WTIP: variants seen among roughly 807,000 people sequenced by gnomAD.
WTIP encodes the protein Wilms tumor protein 1-interacting protein.
In WTIP, 23 loss-of-function variants were observed where a neutral mutation model predicts 41.7. The ratio of observed to expected loss-of-function variants is 0.55; its 90% CI spans 0.40 to 0.78. The LOEUF (loss-of-function observed/expected upper bound fraction) is 0.78. WTIP is among the 30% of genes least tolerant of loss of function. The probability of loss-of-function intolerance (pLI) is 0.00; values close to 1 mark genes in which losing one functional copy is unlikely to be tolerated. For missense variants in WTIP, 619 were observed against 610.5 expected (o/e 1.01, Z -0.15); for synonymous variants, 314 against 269.9 (o/e 1.16, Z -1.60).
chr19:34,500,327 G>T lies in WTIP; in HGVS notation c.*58G>T. ...GTGTGGGTGTGGAGGGAGGGCCCGCGTGGGTGGCCCTGGTCAGCGTCAGGG... is the reference window on the plus strand; with the variant it reads ...GTGTGGGTGTGGAGGGAGGGCCCGCTTGGGTGGCCCTGGTCAGCGTCAGGG... On this transcript the variant is annotated 3_prime_UTR_variant, in exon 8 of 8. Transcript: ENST00000590071. 3 of 1,493,796 alleles carry T rather than the reference G, an allele frequency of 2.0e-6. No individual in the cohort carries two copies. The South Asian group carries it at 4.0e-5, about 20-fold the overall frequency. The allele number at this position is 1,493,796 out of a possible 1,614,324, so 92.5% of individuals were successfully genotyped here.
rs1325545585 is a variant in WTIP at position 34,507,223 on chromosome 19, C to G, written c.*6954C>G. 2 of 101,274 alleles carry G rather than the reference C, an allele frequency of 2.0e-5. No individual in the cohort carries two copies. Among genetic ancestry groups the G allele is most frequent in the Non-Finnish European group, 4.4e-5 (2 of 45,792 alleles). 6.3% of individuals were successfully genotyped at this position (101,274 alleles called of 1,614,324 possible). A position where few individuals can be genotyped will look rare whatever the true frequency, so the allele number is the denominator to read the frequency against. ...TGGGCAACAAGAGTGAACTCCGTCT[C>G]AAAAAAAAAAAAAAAAAAAAAAATT... On this transcript the variant is annotated 3_prime_UTR_variant, in exon 8 of 8. Coordinates refer to ENST00000590071, the MANE Select transcript of WTIP (RefSeq NM_001080436.2).
Position 34,500,115 on chromosome 19 carries a change from G to A in WTIP, c.1153-14G>A, listed in dbSNP as rs369634004. ...TCTGCTGACTCTGGGGCTGGGGGCT[G>A]TGTTCTTCCCTAGGACTGCGGGCTG... On this transcript the variant is annotated splice_polypyrimidine_tract_variant and intron_variant, in intron 7 of 7. Coordinates refer to ENST00000590071, the MANE Select transcript of WTIP (RefSeq NM_001080436.2). 42 of 1,598,412 alleles carry A rather than the reference G, an allele frequency of 2.6e-5. No individual in the cohort carries two copies. The highest frequency in any genetic ancestry group is 1.4e-5 in the Non-Finnish European group (16 of 1,179,334).
rs991444094 is a variant in WTIP at position 34,506,752 on chromosome 19, G to A, written c.*6483G>A. The stretch of plus-strand genomic sequence containing the variant: ...TCCAGCCTGGGTGACAGAGCTAGAC[G>A]CTATCTCAAAAATAAATAAATAAAT... On this transcript the variant is annotated 3_prime_UTR_variant, in exon 8 of 8. Coordinates refer to ENST00000590071, the MANE Select transcript of WTIP (RefSeq NM_001080436.2). The A allele has an allele frequency of 1.3e-4, 19 of 147,408 alleles. No individual in the cohort carries two copies. Among genetic ancestry groups the A allele is most frequent in the Non-Finnish European group, 1.2e-4 (8 of 67,582 alleles). 9.1% of individuals were successfully genotyped at this position (147,408 alleles called of 1,614,324 possible). A position where few individuals can be genotyped will look rare whatever the true frequency, so the allele number is the denominator to read the frequency against.
intron 2 of WTIP, among the ~76,000 whole-genome samples, chr19:34,491,290 A>G (rs2075823925): frequency 6.6e-6 from 1 of 152,048 alleles, no homozygotes; most frequent in East Asian, 1.9e-4. Context: ...TGCCTTAATC[A>G]GACATCTTTT....
At chr19:34,496,529 C>T (rs1490509735) in intron 7 of WTIP, among the ~76,000 whole-genome samples, 3 of 152,084 alleles carry the variant, frequency 2.0e-5, no homozygotes, top group Non-Finnish European at 2.9e-5. Flanking sequence ...GCAGAGAGTG[C>T]ACTGGGGGAG....
rs201456756 is a variant in WTIP at position 34,493,091 on chromosome 19, A to C, written c.824A>C (p.Gln275Pro). Residue 275 changes from glutamine to proline, a missense_variant, in exon 3 of 8, where the codon CAG becomes CCG. This residue lies in a region of WTIP where 164 missense variants were observed against 219.1 expected (regional missense o/e 0.75). Coordinates refer to ENST00000590071, the MANE Select transcript of WTIP (RefSeq NM_001080436.2). This position sits in a 1 kb window ranked among gnomAD's most constrained non-coding sequence, Gnocchi z 4.1. ...FYNVGEKVYC[Q>P]EDFLYSGFQQ... ...AACGTGGGTGAGAAAGTGTACTGCCAGGAGGACTTCCTGGTGAGTCCAAGC... is the reference window on the plus strand; with the variant it reads ...AACGTGGGTGAGAAAGTGTACTGCCCGGAGGACTTCCTGGTGAGTCCAAGC... 2.1e-5 allele frequency: 34 copies of C among 1,613,854 alleles called. No individual in the cohort carries two copies. In the African/African-American group the frequency reaches 4.5e-4, roughly 22 times the overall value.
At chr19:34,495,665 A>C in intron 6 of WTIP, 38 bp from the exon 7 acceptor site, 1 of 1,611,898 alleles carries the variant, frequency 6.2e-7, no homozygotes, top group Non-Finnish European at 8.5e-7. Flanking sequence ...TCCAGTCCCC[A>C]CATGCTCATC....
Position 34,493,515 on chromosome 19 carries a change from C to T in WTIP, c.924C>T (p.Ser308=), listed in dbSNP as rs762338115. 7 of 1,613,540 alleles carry T rather than the reference C, an allele frequency of 4.3e-6. No individual in the cohort carries two copies. The highest frequency in any genetic ancestry group is 1.7e-5 in the Admixed American group (1 of 60,008). ...MEMILQALGK[S]YHPGCFRCSV... is the part of the protein sequence containing the mutation. ...AGATCCTGCAGGCCCTGGGCAAGTC[C>T]TACCACCCAGGCTGCTTCCGGTGCT... The change falls in exon 5 of 8, where the codon TCC becomes TCT. Residue 308 remains serine, a synonymous_variant. Coordinates refer to ENST00000590071, the MANE Select transcript of WTIP (RefSeq NM_001080436.2). The surrounding 1 kb of genome is among the most constrained non-coding windows in gnomAD (Gnocchi z 4.1).
intron 2 of WTIP, among the ~76,000 whole-genome samples, chr19:34,491,200 T>C (rs1476256031): frequency 6.6e-6 from 1 of 152,050 alleles, no homozygotes; most frequent in Non-Finnish European, 1.5e-5. Flanking sequence ...TAGACAAAGT[T>C]ATAAAAAGAA....
intron 1 of WTIP, among the ~76,000 whole-genome samples, chr19:34,483,613 A>T (rs2075782314): frequency 6.6e-6 from 1 of 152,214 alleles, no homozygotes; most frequent in Non-Finnish European, 1.5e-5. Context: ...TGGACATAGG[A>T]TGTTTCCTAA....
intron 2 of WTIP, among the ~76,000 whole-genome samples, chr19:34,491,521 C>T (rs979578449): frequency 2.0e-5 from 3 of 151,676 alleles, no homozygotes; most frequent in Non-Finnish European, 4.4e-5. Context: ...GATGGGATTT[C>T]ACCATGTGGC....
At position 34,482,522 on chromosome 19, in the gene WTIP, C is replaced by T. The variant is rs928404384; in HGVS notation, c.548C>T (p.Pro183Leu). The T allele has an allele frequency of 8.1e-7, 1 of 1,230,470 alleles. No individual in the cohort carries two copies. Among genetic ancestry groups the T allele is most frequent in the Non-Finnish European group, 1.0e-6 (1 of 988,318 alleles). The allele number at this position is 1,230,470 out of a possible 1,614,324, so 76.2% of individuals were successfully genotyped here. A position where few individuals can be genotyped will look rare whatever the true frequency, so the allele number is the denominator to read the frequency against. Residue 183 changes from proline (P) to leucine (L), a missense_variant, in exon 1 of 8, where the codon CCT becomes CTT. Pro to Leu is a moderately conservative substitution (Grantham distance 98). Around this residue, in one of 3 missense-constraint regions of WTIP, gnomAD observed 363 missense variants for 309.0 expected, o/e 1.17. Coordinates refer to ENST00000590071, the MANE Select transcript of WTIP (RefSeq NM_001080436.2). The part of the protein sequence containing the change: ...EPAGPAPFPL[P>L]ALPLPPGREG... ...GCGGGGCCGGCTCCCTTCCCGCTGC[C>T]TGCACTCCCGCTGCCCCCTGGCCGG...
At chr19:34,489,649 A>G (rs1331714206) in intron 1 of WTIP, among the ~76,000 whole-genome samples, 2 of 152,206 alleles carry the variant, frequency 1.3e-5, no homozygotes, top group Admixed American at 1.3e-4. Flanking sequence ...TGGTATAAAG[A>G]TACCATGATA....
chr19:34,494,625 C>T lies in WTIP; in HGVS notation c.1071C>T (p.Ile357=), dbSNP rs371814929. 7.4e-5 allele frequency: 120 copies of T among 1,613,422 alleles called. No homozygotes were observed. Among genetic ancestry groups the T allele is most frequent in the Non-Finnish European group, 9.6e-5 (113 of 1,179,780 alleles). The change falls in exon 6 of 8, where the codon ATC becomes ATT. Residue 357 remains isoleucine, a synonymous_variant. Transcript: ENST00000590071. ...AATGCGCCTCCTGTGCCCGTCCTAT[C>T]CTCCCTGCACAGGTAGGAGCCACTC... ...APKCASCARP[I]LPAQGCETTI...
rs2075933139 is a variant in WTIP at position 34,511,495 on chromosome 19, G to T, written c.*11226G>T. ...AAAAACAAAAACAAAATAAAAAAAA[G>T]TAGCTACGTGTTTGGGCCTGGCTTT... is the stretch of plus-strand genomic sequence containing the variant. On this transcript the variant is annotated 3_prime_UTR_variant, in exon 8 of 8. Coordinates refer to ENST00000590071, the MANE Select transcript of WTIP (RefSeq NM_001080436.2). 1 of 152,124 alleles carries T rather than the reference G, an allele frequency of 6.6e-6. No individual in the cohort carries two copies. The highest frequency in any genetic ancestry group is 2.4e-5 in the African/African-American group (1 of 41,422). The allele number at this position is 152,124 out of a possible 1,614,324, so 9.4% of individuals were successfully genotyped here. A position where few individuals can be genotyped will look rare whatever the true frequency, so the allele number is the denominator to read the frequency against.
Position 34,493,125 on chromosome 19 carries a change from G to A in WTIP, c.837+21G>A, listed in dbSNP as rs367783580. On this transcript the variant is annotated intron_variant, in intron 3 of 7. Transcript: ENST00000590071. The surrounding 1 kb of genome is among the most constrained non-coding windows in gnomAD (Gnocchi z 4.1). ...TCCTGGTGAGTCCAAGCTGTGCCCTGGCAGTGCCAGGGGTGGGAGGTGGGG... is the reference window on the plus strand; with the variant it reads ...TCCTGGTGAGTCCAAGCTGTGCCCTAGCAGTGCCAGGGGTGGGAGGTGGGG... 3.1e-4 allele frequency: 495 copies of A among 1,613,962 alleles called. No individual in the cohort carries two copies. The highest frequency in any genetic ancestry group is 3.0e-3 in the African/African-American group (226 of 75,068).
In WTIP at chr19:34,493,613, A is replaced by G. The variant is rs1715440044; in HGVS notation, c.1022A>G (p.Asp341Gly). The G allele has an allele frequency of 3.1e-6, 5 of 1,613,196 alleles. No individual in the cohort carries two copies. Among genetic ancestry groups the G allele is most frequent in the Non-Finnish European group, 4.2e-6 (5 of 1,179,864 alleles). ...GAGAACAACATCTACTGCGTGCGAG[A>G]CTATCACACGTGAGTTGCTGGTGCT... is the stretch of plus-strand genomic sequence containing the variant. ...DVENNIYCVR[D>G]YHTVFAPKCA... The change falls in exon 5 of 8, where the codon GAC (aspartate) becomes GGC (glycine). Residue 341 changes from aspartate (D) to glycine (G), a missense_variant. Coordinates refer to ENST00000590071, the MANE Select transcript of WTIP (RefSeq NM_001080436.2). The surrounding 1 kb of genome is among the most constrained non-coding windows in gnomAD (Gnocchi z 4.1).
chr19:34,499,520 A>G (rs776063573), intron 7 of WTIP, among the ~76,000 whole-genome samples: 3 of 152,048 alleles, frequency 2.0e-5, no homozygotes, highest in Non-Finnish European at 4.4e-5. Context: ...ACAACAACAA[A>G]CGAATAAACA....
intron 7 of WTIP, 66 bp from the exon 8 acceptor site, chr19:34,500,063 C>G (rs889614272): frequency 9.6e-6 from 15 of 1,566,566 alleles, no homozygotes; most frequent in Admixed American, 3.5e-5. Context: ...GTCCCTCCCC[C>G]GTCCCGTGAC....
Sources: gnomAD v4.1 joint callset for allele counts (sites outside exome capture counted in the v4.1 genomes callset) on GRCh38, gnomAD v4.1.1 for gene constraint, gnomAD v4.1.1 regional missense constraint, Gnocchi (gnomAD v3.1) non-coding constraint, MANE v1.5 for transcripts, NCBI Gene and HGNC (gene_info 2026-07-23, HGNC 2026-07-21) for gene names.